The following UBAC1 variants were observed in gnomAD, a reference collection of about 807,000 sequenced individuals.
The protein encoded by UBAC1 is UBA domain containing 1.
Under a neutral mutation model 45.9 loss-of-function variants are expected in UBAC1, and 27 were observed. The ratio of observed to expected loss-of-function variants is 0.59; its 90% CI spans 0.43 to 0.81. UBAC1 has a LOEUF of 0.81. UBAC1 is among the 30% of genes least tolerant of loss of function. The probability of loss-of-function intolerance (pLI) is 0.00; values close to 1 mark genes in which losing one functional copy is unlikely to be tolerated. For synonymous variants in UBAC1, 227 were observed against 215.5 expected (o/e 1.05, Z -0.47); for missense variants, 529 against 539.2 (o/e 0.98, Z 0.19).
intron 2 of UBAC1, 24 bp downstream of exon 2, chr9:135,955,271 C>T: frequency 1.3e-6 from 2 of 1,528,522 alleles, no homozygotes; most frequent in South Asian, 1.3e-5. Flanking sequence ...CTGCTGCCAA[C>T]CCGCCCGCCC....
At chr9:135,946,116 A>T (rs948788197) in intron 5 of UBAC1, 119 bp from the exon 6 acceptor site, 7 of 1,076,568 alleles carry the variant, frequency 6.5e-6, no homozygotes, top group South Asian at 1.4e-5. Context: ...CAGGCACATC[A>T]ACAGGAGTTG....
intron 7 of UBAC1, among the ~76,000 whole-genome samples, chr9:135,940,709 A>C (rs1456486787): frequency 2.0e-5 from 3 of 152,232 alleles, no homozygotes; most frequent in African/African-American, 7.2e-5. Context: ...CAATTCATGT[A>C]ACAAGATAAT....
chr9:135,952,227 T>C (rs1839414024), intron 3 of UBAC1, among the ~76,000 whole-genome samples: 1 of 152,248 alleles, frequency 6.6e-6, no homozygotes. Flanking sequence ...TGGGTACCCA[T>C]GGTCCCAGAT....
chr9:135,961,132 C>G lies in UBAC1; in HGVS notation c.31G>C (p.Gly11Arg). 6.3e-7 allele frequency: 1 copy of G among 1,585,846 alleles called. No individual in the cohort carries two copies. Among genetic ancestry groups the G allele is most frequent in the Non-Finnish European group, 8.5e-7 (1 of 1,171,590 alleles). The change falls in exon 1 of 10, where the codon GGC becomes CGC. Residue 11 changes from glycine to arginine, a missense_variant. Physicochemically the swap from Gly to Arg is moderately radical, Grantham distance 125. Coordinates refer to ENST00000371756, the MANE Select transcript of UBAC1 (RefSeq NM_016172.3). MFVQEEKIFA[G>R]KVLRLHICAS... ...CAGATGTGCAGCCGCAGCACCTTGC[C>G]CGCGAAGATCTTCTCCTCCTGCACG... is the stretch of plus-strand genomic sequence containing the variant.
Position 135,944,047 on chromosome 9 carries a change from C to T in UBAC1, c.876+981G>A, listed in dbSNP as rs141825787. 1.2e-3 allele frequency among the ~76,000 whole-genome samples: 190 copies of T among 152,276 alleles called. 1 individual carries two copies. Among genetic ancestry groups the T allele is most frequent in the Non-Finnish European group, 2.1e-3 (140 of 68,020 alleles). Reference sequence around the variant, plus strand: ...TTCATACCTAGGTGATGGGCTGACACGTGCAGCAAACCACCATGGCACATG... The same window carrying T: ...TTCATACCTAGGTGATGGGCTGACATGTGCAGCAAACCACCATGGCACATG... On this transcript the variant is annotated intron_variant, in intron 7 of 9. Coordinates refer to ENST00000371756, the MANE Select transcript of UBAC1 (RefSeq NM_016172.3).
chr9:135,948,644 C>G (rs2131089528), intron 3 of UBAC1, among the ~76,000 whole-genome samples: 1 of 152,360 alleles, frequency 6.6e-6, no homozygotes, highest in East Asian at 1.9e-4. Flanking sequence ...GGCACCCCAG[C>G]ACCCTCCACA....
intron 1 of UBAC1, among the ~76,000 whole-genome samples, chr9:135,959,752 C>T (rs989759617): frequency 1.3e-5 from 2 of 152,164 alleles, no homozygotes; most frequent in African/African-American, 2.4e-5. Flanking sequence ...ACGGAGTTAC[C>T]GGCGCTGGAG....
At chr9:135,946,203 G>A in intron 5 of UBAC1, 66 bp downstream of exon 5, 1 of 1,214,368 alleles carries the variant, frequency 8.2e-7, no homozygotes, top group Middle Eastern at 2.2e-4. Flanking sequence ...AGTGCGTGGA[G>A]CTGCAGACGC....
At chr9:135,936,477 G>A (rs1418393795) in intron 9 of UBAC1, among the ~76,000 whole-genome samples, 3 of 151,078 alleles carry the variant, frequency 2.0e-5, no homozygotes, top group South Asian at 2.1e-4. Flanking sequence ...TCTGACTTTC[G>A]GATAGGAGGG....
intron 9 of UBAC1, among the ~76,000 whole-genome samples, chr9:135,935,803 G>A (rs1430829772): frequency 6.6e-6 from 1 of 152,158 alleles, no homozygotes; most frequent in Non-Finnish European, 1.5e-5. Flanking sequence ...GAGACGGGCG[G>A]ATCACGAGGT....
At chr9:135,956,673 G>A (rs900089033) in intron 1 of UBAC1, among the ~76,000 whole-genome samples, 6 of 152,170 alleles carry the variant, frequency 3.9e-5, no homozygotes, top group East Asian at 1.9e-4. Flanking sequence ...CTCCCCAGCC[G>A]GAATCGTGGG....
At chr9:135,946,777 C>G (rs900331290) in intron 4 of UBAC1, among the ~76,000 whole-genome samples, 2 of 152,248 alleles carry the variant, frequency 1.3e-5, no homozygotes, top group Non-Finnish European at 2.9e-5. Flanking sequence ...TGCCACACAG[C>G]GTCTGCGGCG....
chr9:135,939,889 C>T (rs1564195165), intron 7 of UBAC1, 130 bp from the exon 8 acceptor site: 11 of 704,046 alleles, frequency 1.6e-5, no homozygotes, highest in Admixed American at 4.8e-5. Context: ...GGACGCTGTC[C>T]GTCCACGTTC....
Position 135,953,755 on chromosome 9 carries a change from T to C in UBAC1, c.260-2A>G, listed in dbSNP as rs1400276909. 1.2e-6 allele frequency: 2 copies of C among 1,613,258 alleles called. No homozygotes were observed. Among genetic ancestry groups the C allele is most frequent in the South Asian group, 2.2e-5 (2 of 91,042 alleles). On this transcript the variant is annotated splice_acceptor_variant, in intron 2 of 9. Transcript: ENST00000371756. LOFTEE classifies it high-confidence loss of function. The stretch of plus-strand genomic sequence containing the variant: ...GCTTTTTTATCAATAATAGGACATC[T>C]AGAAAAAACAACACGTATATCCAAC...
intron 2 of UBAC1, 86 bp downstream of exon 2, chr9:135,955,208 CT>C (rs2131094202): frequency 7.3e-7 from 1 of 1,368,226 alleles, no homozygotes; most frequent in African/African-American, 1.5e-5. Flanking sequence ...ACACTGACTC[CT>C]GTGGGTGGAC....
intron 9 of UBAC1, among the ~76,000 whole-genome samples, chr9:135,936,049 TA>T (rs1012557378): frequency 1.4e-5 from 2 of 146,522 alleles, no homozygotes; most frequent in Non-Finnish European, 3.0e-5. Context: ...AAAAGAGGAA[TA>T]CAAGTTAAAA....
At chr9:135,950,130 C>T (rs1839390261) in intron 3 of UBAC1, among the ~76,000 whole-genome samples, 1 of 152,234 alleles carries the variant, frequency 6.6e-6, no homozygotes, top group African/African-American at 2.4e-5. Flanking sequence ...ACCCTGAACA[C>T]AGCCCTCCGG....
chr9:135,960,647 C>T (rs1004174155), intron 1 of UBAC1, among the ~76,000 whole-genome samples: 2 of 152,232 alleles, frequency 1.3e-5, no homozygotes, highest in African/African-American at 2.4e-5. Flanking sequence ...TCCCGAGGCC[C>T]TGCTCCGTCG....
intron 8 of UBAC1, 121 bp downstream of exon 8, chr9:135,939,552 A>ACACT (rs1839243830): frequency 1.1e-6 from 1 of 933,214 alleles, no homozygotes. Flanking sequence ...ACCACAGCCC[A>ACACT]CACTCACCAC....
Sources: gnomAD v4.1 joint callset for allele counts (sites outside exome capture counted in the v4.1 genomes callset) on GRCh38, gnomAD v4.1.1 for gene constraint, MANE v1.5 for transcripts, NCBI Gene and HGNC (gene_info 2026-07-23, HGNC 2026-07-21) for gene names.